The following WNT7A variants were observed in gnomAD, a reference collection of about 807,000 sequenced individuals.
WNT7A encodes Wnt family member 7A, also known as protein Wnt-7a.
A neutral mutation model predicts 28.2 loss-of-function variants in WNT7A; 16 were observed. The ratio of observed to expected loss-of-function variants is 0.57; its 90% CI spans 0.38 to 0.86. The LOEUF (loss-of-function observed/expected upper bound fraction) is 0.86. Ranked by LOEUF, WNT7A falls within the 40% of genes least tolerant of loss-of-function variation. The pLI is 0.00. For synonymous variants in WNT7A, 190 were observed against 195.9 expected, an observed-to-expected ratio of 0.97 and a Z score of 0.25; for missense variants, 411 against 489.7, an observed-to-expected ratio of 0.84 and a Z score of 1.52.
In WNT7A at chr3:13,819,513, GC is replaced by G. The variant is rs1694078884; in HGVS notation, c.571-91del. ...CAGCTCCCCCCCGCCCCCCACCCCT[GC>G]CCCACCTATCTGGGTCTGGCTTTAG... On this transcript the variant is annotated intron_variant, in intron 3 of 3. Coordinates refer to ENST00000285018, the MANE Select transcript of WNT7A (RefSeq NM_004625.4). 2.9e-6 allele frequency: 4 copies of G among 1,362,632 alleles called. No individual in the cohort carries two copies. The African/African-American group carries it at 7.0e-5, about 24-fold the overall frequency. The allele number at this position is 1,362,632 out of a possible 1,614,324, so 84.4% of individuals were successfully genotyped here.
At chr3:13,833,874 C>T (rs1327103627) in intron 3 of WNT7A, among the ~76,000 whole-genome samples, 1 of 152,246 alleles carries the variant, frequency 6.6e-6, no homozygotes, top group Non-Finnish European at 1.5e-5. Context: ...ATTCACCTTT[C>T]CACCACACGC....
chr3:13,820,609 G>A (rs951683893), intron 3 of WNT7A, among the ~76,000 whole-genome samples: 1 of 152,108 alleles, frequency 6.6e-6, no homozygotes, highest in African/African-American at 2.4e-5. Context: ...AAATCAGGGT[G>A]CTGGAAGAGA....
In WNT7A at chr3:13,849,387, A is replaced by G. The variant is rs568669764; in HGVS notation, c.570+5145T>C. ...ATGTCTTGTGCAATAGTTTGGACGT[A>G]CTTTTGTTTATCTCAAATTCAACTC... On this transcript the variant is annotated intron_variant, in intron 3 of 3. Transcript: ENST00000285018. Among the ~76,000 whole-genome samples the G allele has an allele frequency of 3.9e-5, 6 of 152,330 alleles. No homozygotes were observed. In the South Asian group the frequency reaches 1.2e-3, roughly 32 times the overall value.
At chr3:13,875,653 A>T (rs1053378061) in intron 1 of WNT7A, among the ~76,000 whole-genome samples, 1 of 152,148 alleles carries the variant, frequency 6.6e-6, no homozygotes, top group African/African-American at 2.4e-5. Context: ...GATGTTCATT[A>T]AAAAAATCTG....
intron 2 of WNT7A, among the ~76,000 whole-genome samples, chr3:13,869,929 G>A (rs944296961): frequency 1.3e-5 from 2 of 152,142 alleles, no homozygotes; most frequent in African/African-American, 4.8e-5. Context: ...GCAGGCCCCT[G>A]CTCATTCCCA....
intron 3 of WNT7A, among the ~76,000 whole-genome samples, chr3:13,825,585 A>T (rs1263777859): frequency 6.6e-6 from 1 of 152,260 alleles, no homozygotes; most frequent in Non-Finnish European, 1.5e-5. Flanking sequence ...CTGAATATTT[A>T]GTAGCGGGTC....
At chr3:13,834,253 A>G (rs59201100) in intron 3 of WNT7A, among the ~76,000 whole-genome samples, 26,368 of 152,040 alleles carry the variant, frequency 0.17, 2,447 homozygotes, top group South Asian at 0.36. Context: ...GATTGGAGAT[A>G]CACAGTCATG....
intron 3 of WNT7A, among the ~76,000 whole-genome samples, chr3:13,848,066 T>TAA (rs541790932): frequency 1.5e-3 from 208 of 135,196 alleles, no homozygotes; most frequent in South Asian, 6.6e-3. Context: ...AATGAATTTT[T>TAA]TAAAAAAAAC....
intron 3 of WNT7A, among the ~76,000 whole-genome samples, chr3:13,833,075 C>T (rs1041554137): frequency 3.3e-5 from 5 of 151,908 alleles, no homozygotes; most frequent in African/African-American, 1.2e-4. Flanking sequence ...TAGGCTCCTA[C>T]CCCCCCAGTA....
At chr3:13,834,426 C>A (rs1203451966) in intron 3 of WNT7A, among the ~76,000 whole-genome samples, 1 of 152,106 alleles carries the variant, frequency 6.6e-6, no homozygotes, top group African/African-American at 2.4e-5. Context: ...GGGTCAGGTG[C>A]ACGCTGTGGG....
chr3:13,856,969 G>GA (rs1694754109), intron 2 of WNT7A, among the ~76,000 whole-genome samples: 1 of 60,238 alleles, frequency 1.7e-5, no homozygotes, highest in Non-Finnish European at 3.2e-5. Flanking sequence ...GAAGAAGAAG[G>GA]AGAAGAAGAA....
intron 2 of WNT7A, among the ~76,000 whole-genome samples, chr3:13,856,933 A>AAGG (rs1326056584): frequency 8.8e-6 from 1 of 113,528 alleles, no homozygotes; most frequent in East Asian, 4.7e-4. Flanking sequence ...GAAGAAGAAG[A>AAGG]AGAAGAAGAA....
Position 13,853,766 on chromosome 3 carries a change from C to T in WNT7A, c.570+766G>A, listed in dbSNP as rs141875890. Reference sequence around the variant, plus strand: ...CCTGACCCTGACTTGCTGCGGGCCACGTGCTATTCTCTCCTTTAATTCTCA... The same window carrying T: ...CCTGACCCTGACTTGCTGCGGGCCATGTGCTATTCTCTCCTTTAATTCTCA... On this transcript the variant is annotated intron_variant, in intron 3 of 3. Transcript: ENST00000285018. 3.9e-4 allele frequency among the ~76,000 whole-genome samples: 59 copies of T among 152,326 alleles called. 1 individual carries two copies. In the South Asian group the frequency reaches 6.8e-3, roughly 18 times the overall value.
chr3:13,868,855 A>G (rs1694975818), intron 2 of WNT7A, among the ~76,000 whole-genome samples: 1 of 145,194 alleles, frequency 6.9e-6, no homozygotes, highest in Non-Finnish European at 1.5e-5. Flanking sequence ...AAAGTGAGAG[A>G]GAGAGAGAAA....
At chr3:13,865,340 C>A (rs1412689738) in intron 2 of WNT7A, among the ~76,000 whole-genome samples, 1 of 152,172 alleles carries the variant, frequency 6.6e-6, no homozygotes, top group Non-Finnish European at 1.5e-5. Flanking sequence ...CAGTAGGCGG[C>A]AGGTGGAGCC....
At chr3:13,879,061 C>G (rs543793576) in intron 1 of WNT7A, among the ~76,000 whole-genome samples, 9 of 152,342 alleles carry the variant, frequency 5.9e-5, no homozygotes, top group South Asian at 4.1e-4. Context: ...GCTTGTCTCC[C>G]TCTGTGTCTC....
intron 2 of WNT7A, among the ~76,000 whole-genome samples, chr3:13,862,821 C>T (rs1467258309): frequency 2.6e-5 from 4 of 152,260 alleles, no homozygotes; most frequent in Non-Finnish European, 5.9e-5. Context: ...TGCCAATGGT[C>T]AGCATCTACT....
rs79999930 is a variant in WNT7A at position 13,830,780 on chromosome 3, C to T, written c.571-11357G>A. Among the ~76,000 whole-genome samples, 284 of 152,286 alleles carry T rather than the reference C, an allele frequency of 1.9e-3. 5 individuals are homozygous for T. The East Asian group carries it at 0.049, about 26-fold the overall frequency. On this transcript the variant is annotated intron_variant, in intron 3 of 3. Transcript: ENST00000285018. Reference sequence around the variant, plus strand: ...GGCAGACAGAGCTCCCCAATGTTGCCAGCCCTAAGGCCTTTTTAGGATTCC... The same window carrying T: ...GGCAGACAGAGCTCCCCAATGTTGCTAGCCCTAAGGCCTTTTTAGGATTCC...
At position 13,869,610 on chromosome 3, in the gene WNT7A, G is replaced by GAGAGAA. The variant is rs547635409; in HGVS notation, c.298+5331_298+5336dup. ...AGGAAGGAAGGAGGGGAGGAAGAAA[G>GAGAGAA]AGAGAAAGAGAAAGAAAGGAAAGAA... On this transcript the variant is annotated intron_variant, in intron 2 of 3. Coordinates refer to ENST00000285018, the MANE Select transcript of WNT7A (RefSeq NM_004625.4). Among the ~76,000 whole-genome samples the GAGAGAA allele has an allele frequency of 4.1e-3, 572 of 141,026 alleles. 5 individuals carry two copies. The highest frequency in any genetic ancestry group is 0.015 in the African/African-American group (550 of 37,810). The allele number at this position is 141,026 out of a possible 152,430, so 92.5% of individuals were successfully genotyped here.
Sources: gnomAD v4.1 joint callset for allele counts (sites outside exome capture counted in the v4.1 genomes callset) on GRCh38, gnomAD v4.1.1 for gene constraint, MANE v1.5 for transcripts, NCBI Gene and HGNC (gene_info 2026-07-23, HGNC 2026-07-21) for gene names.